PRKN: variants seen among roughly 807,000 people sequenced by gnomAD.
The protein encoded by PRKN is E3 ubiquitin-protein ligase parkin.
PRKN carries 56 observed loss-of-function variants against 59.5 expected under a neutral mutation model. The ratio of observed to expected loss-of-function variants is 0.94; its 90% CI spans 0.76 to 1.18. The LOEUF is 1.18. Among genes scored for constraint, PRKN ranks in the 50% most tolerant of loss-of-function variants. PRKN has a pLI of 0.00. For missense variants in PRKN, 657 were observed against 596.4 expected (o/e 1.10, Z -1.06); for synonymous variants, 250 against 222.1 (o/e 1.13, Z -1.12).
intron 7 of PRKN, among the ~76,000 whole-genome samples, chr6:161,630,673 G>A (rs964088101): frequency 2.0e-5 from 3 of 152,010 alleles, no homozygotes; most frequent in African/African-American, 4.8e-5. Flanking sequence ...TACCCTCTCC[G>A]CAGGCATCCA....
intron 5 of PRKN, among the ~76,000 whole-genome samples, chr6:162,022,865 T>C (rs1407468709): frequency 6.6e-6 from 1 of 152,192 alleles, no homozygotes; most frequent in Non-Finnish European, 1.5e-5. Context: ...CAGTTTCACT[T>C]ATCTGCATAT....
At chr6:161,755,588 C>T (rs890830295) in intron 7 of PRKN, among the ~76,000 whole-genome samples, 1 of 151,772 alleles carries the variant, frequency 6.6e-6, no homozygotes, top group Non-Finnish European at 1.5e-5. Context: ...GCCTCGACTA[C>T]GGCAAGCAGA....
intron 2 of PRKN, among the ~76,000 whole-genome samples, chr6:162,400,436 C>T (rs1287392812): frequency 1.4e-4 from 19 of 137,016 alleles, no homozygotes; most frequent in African/African-American, 5.2e-4. Context: ...CTCTGACTTT[C>T]CCACAGCAAC....
intron 3 of PRKN, among the ~76,000 whole-genome samples, chr6:162,207,098 C>T (rs867016771): frequency 7.2e-5 from 11 of 152,094 alleles, no homozygotes; most frequent in African/African-American, 2.7e-4. Context: ...ATCGGCCTGC[C>T]GCAGTGACTC....
chr6:161,749,077 A>G (rs767931975), intron 7 of PRKN, among the ~76,000 whole-genome samples: 27 of 151,910 alleles, frequency 1.8e-4, no homozygotes, highest in Non-Finnish European at 3.8e-4. Flanking sequence ...TGAACAGATG[A>G]CTCTCTATAG....
chr6:161,426,676 C>CAT (rs11271613), intron 9 of PRKN, among the ~76,000 whole-genome samples: 2,463 of 142,600 alleles, frequency 0.017, 88 homozygotes, highest in African/African-American at 0.053. Flanking sequence ...CACACACACA[C>CAT]CTCCTATTAG....
chr6:161,978,094 A>G (rs1781123174), intron 5 of PRKN, among the ~76,000 whole-genome samples: 1 of 150,248 alleles, frequency 6.7e-6, no homozygotes, highest in African/African-American at 2.5e-5. Context: ...TTTTTGCCCA[A>G]GTTGTAGTGC....
chr6:162,669,963 T>C (rs1779258229), intron 1 of PRKN, among the ~76,000 whole-genome samples: 1 of 152,226 alleles, frequency 6.6e-6, no homozygotes, highest in Admixed American at 6.5e-5. Flanking sequence ...AAAGCAAATA[T>C]ATCACTTTAG....
intron 2 of PRKN, among the ~76,000 whole-genome samples, chr6:162,380,957 A>C (rs1028282224): frequency 2.0e-5 from 3 of 152,132 alleles, no homozygotes. Flanking sequence ...CAGCGACCAG[A>C]GTGGCCGCCG....
chr6:161,468,976 A>C lies in PRKN; in HGVS notation c.1083+79878T>G, dbSNP rs1790623381. On this transcript the variant is annotated intron_variant, in intron 9 of 11. Transcript: ENST00000366898. This position sits in a 1 kb window ranked among gnomAD's most constrained non-coding sequence, Gnocchi z 5.9. ...CAGTACACAAATGGGCGCTCCCTAC[A>C]GGCCAAGTAAAATTCCTTCATGCAT... is the stretch of plus-strand genomic sequence containing the variant. 6.6e-6 allele frequency among the ~76,000 whole-genome samples: 1 copy of C among 152,188 alleles called. No homozygotes were observed. The highest frequency in any genetic ancestry group is 1.5e-5 in the Non-Finnish European group (1 of 68,032).
At chr6:161,606,034 G>A (rs1187730608) in intron 7 of PRKN, among the ~76,000 whole-genome samples, 1 of 152,194 alleles carries the variant, frequency 6.6e-6, no homozygotes, top group East Asian at 1.9e-4. Context: ...GGAGATGGGG[G>A]TTCGAGGAAA....
At chr6:162,537,323 C>T (rs1025742615) in intron 1 of PRKN, among the ~76,000 whole-genome samples, 8 of 152,222 alleles carry the variant, frequency 5.3e-5, no homozygotes, top group Admixed American at 6.5e-5. Flanking sequence ...TAGCACCTCA[C>T]TCCGTAGCCT....
At position 161,525,345 on chromosome 6, in the gene PRKN, C is replaced by T. The variant is rs1028254586; in HGVS notation, c.1083+23509G>A. On this transcript the variant is annotated intron_variant, in intron 9 of 11. Coordinates refer to ENST00000366898, the MANE Select transcript of PRKN (RefSeq NM_004562.3). This position sits in a 1 kb window ranked among gnomAD's most constrained non-coding sequence, Gnocchi z 4.7. ...GCCTGGAGATGAGGGTCCACCTCTC[C>T]CAGGTCCTGAGGACTTTCCTCCTGG... is the stretch of plus-strand genomic sequence containing the variant. Among the ~76,000 whole-genome samples, 3 of 152,154 alleles carry T rather than the reference C, an allele frequency of 2.0e-5. No homozygotes were observed. The highest frequency in any genetic ancestry group is 7.2e-5 in the African/African-American group (3 of 41,440).
intron 6 of PRKN, among the ~76,000 whole-genome samples, chr6:161,804,532 T>C (rs75342463): frequency 3.2e-3 from 489 of 152,170 alleles, no homozygotes; most frequent in African/African-American, 0.011. Context: ...ACTGGTGAGG[T>C]TGGACCCATA....
At chr6:161,892,271 C>CA (rs978995218) in intron 6 of PRKN, among the ~76,000 whole-genome samples, 1 of 151,742 alleles carries the variant, frequency 6.6e-6, no homozygotes, top group Non-Finnish European at 1.5e-5. Context: ...CCTGCCTCTA[C>CA]AAAAAATCTT....
rs1784209809 is a variant in PRKN, at chr6:162,190,150, T to C, written c.534+10981A>G. On this transcript the variant is annotated intron_variant, in intron 4 of 11. Coordinates refer to ENST00000366898, the MANE Select transcript of PRKN (RefSeq NM_004562.3). ...AGTGGACCATGCCCAGTGCATGCCA[T>C]AGACTCTGGCATCAGTGAGTATCGT... Among the ~76,000 whole-genome samples, 3 of 152,302 alleles carry C rather than the reference T, an allele frequency of 2.0e-5. No homozygotes were observed. The South Asian group carries it at 6.2e-4, about 32-fold the overall frequency.
At chr6:162,081,620 G>GC (rs1436279580) in intron 4 of PRKN, among the ~76,000 whole-genome samples, 2 of 152,080 alleles carry the variant, frequency 1.3e-5, no homozygotes, top group Non-Finnish European at 2.9e-5. Flanking sequence ...TAGAGCACAG[G>GC]CACAGTAAAC....
chr6:162,236,256 A>G (rs1055778783), intron 3 of PRKN, among the ~76,000 whole-genome samples: 3 of 152,176 alleles, frequency 2.0e-5, no homozygotes, highest in African/African-American at 7.2e-5. Flanking sequence ...CTTTGCCTCA[A>G]CAATGATTAG....
chr6:161,663,740 C>T (rs1267715447), intron 7 of PRKN, among the ~76,000 whole-genome samples: 1 of 152,160 alleles, frequency 6.6e-6, no homozygotes, highest in Non-Finnish European at 1.5e-5. Flanking sequence ...CAATATTTGG[C>T]CTAAGTTAAA....
Sources: gnomAD v4.1 joint callset for allele counts (sites outside exome capture counted in the v4.1 genomes callset) on GRCh38, gnomAD v4.1.1 for gene constraint, Gnocchi (gnomAD v3.1) non-coding constraint, MANE v1.5 for transcripts, NCBI Gene and HGNC (gene_info 2026-07-23, HGNC 2026-07-21) for gene names.